Variants in HAUS6 observed in about 807,000 individuals in gnomAD.
The protein encoded by HAUS6 is HAUS augmin like complex subunit 6, also known as HAUS augmin-like complex subunit 6.
In HAUS6, 80 loss-of-function variants were observed where a neutral mutation model predicts 106.8. The ratio of observed to expected loss-of-function variants is 0.75; its 90% CI spans 0.63 to 0.90. The LOEUF is 0.90. Among genes scored for constraint, HAUS6 ranks in the 40% least tolerant of loss-of-function variants. The probability of loss-of-function intolerance (pLI) is 0.00; values close to 1 mark genes in which losing one functional copy is unlikely to be tolerated. For synonymous variants in HAUS6, 356 were observed against 379.1 expected, an observed-to-expected ratio of 0.94 and a Z score of 0.71; for missense variants, 1,155 against 1,118.1, an observed-to-expected ratio of 1.03 and a Z score of -0.47.
intron 5 of HAUS6, among the ~76,000 whole-genome samples, chr9:19,088,380 C>A (rs1297732713): frequency 6.7e-6 from 1 of 149,278 alleles, no homozygotes; most frequent in Admixed American, 6.7e-5. Context: ...TGTGACACTG[C>A]GCTCCAGCCA....
intron 1 of HAUS6, among the ~76,000 whole-genome samples, chr9:19,098,488 C>T (rs979338626): frequency 6.6e-6 from 1 of 151,064 alleles, no homozygotes; most frequent in Non-Finnish European, 1.5e-5. Context: ...CTATTCTCTT[C>T]ACCACTGTAT....
chr9:19,102,709 G>T lies in HAUS6; in HGVS notation c.-58C>A. 3 of 1,562,858 alleles carry T rather than the reference G, an allele frequency of 1.9e-6. No homozygotes were observed. The highest frequency in any genetic ancestry group is 2.6e-6 in the Non-Finnish European group (3 of 1,150,204). On this transcript the variant is annotated 5_prime_UTR_variant, in exon 1 of 17. Transcript: ENST00000380502. Reference sequence around the variant, plus strand: ...AAAGCGCAAGCCCAGGGGACTCGGAGGGCCCTCAAGATCCCTCCCTACGGT... The same window carrying T: ...AAAGCGCAAGCCCAGGGGACTCGGATGGCCCTCAAGATCCCTCCCTACGGT...
intron 11 of HAUS6, among the ~76,000 whole-genome samples, chr9:19,074,932 G>A (rs1836961771): frequency 6.6e-6 from 1 of 152,082 alleles, no homozygotes; most frequent in Non-Finnish European, 1.5e-5. Flanking sequence ...CAAAAAACCT[G>A]TACAGAATGT....
rs1476458428 is a variant in HAUS6, at chr9:19,058,425, G to A, written c.2342C>T (p.Pro781Leu). ...AAAACTTAGATGACCAACTTCTTCC[G>A]GGAGAGTTTCGTGTAATATGCCAAA... The part of the protein sequence containing the change: ...NDFGILHETL[P>L]EEVGHLSFNS... The change falls in exon 16 of 17, where the codon CCG (proline) becomes CTG (leucine). Residue 781 changes from proline (P) to leucine (L), a missense_variant. Pro to Leu is a moderately conservative substitution (Grantham distance 98, BLOSUM62 -3). Coordinates refer to ENST00000380502, the MANE Select transcript of HAUS6 (RefSeq NM_017645.5). 4.5e-5 allele frequency: 72 copies of A among 1,607,262 alleles called. No homozygotes were observed. In the Admixed American group the frequency reaches 4.7e-4, roughly 10 times the overall value.
chr9:19,079,808 C>T (rs1305808424), intron 9 of HAUS6, among the ~76,000 whole-genome samples: 1 of 150,776 alleles, frequency 6.6e-6, no homozygotes, highest in Non-Finnish European at 1.5e-5. Flanking sequence ...GAGTCTGAGG[C>T]AGGAGAATCG....
At chr9:19,060,520 G>A (rs1739625987) in intron 14 of HAUS6, among the ~76,000 whole-genome samples, 1 of 152,210 alleles carries the variant, frequency 6.6e-6, no homozygotes, top group Non-Finnish European at 1.5e-5. Context: ...TTCCAGTTGT[G>A]CAGTGACCTA....
rs1818019543 is a variant in HAUS6 at position 19,102,747 on chromosome 9, G to A, written c.-96C>T. 6 of 1,284,326 alleles carry A rather than the reference G, an allele frequency of 4.7e-6. No individual in the cohort carries two copies. Among genetic ancestry groups the A allele is most frequent in the Non-Finnish European group, 6.4e-6 (6 of 935,746 alleles). The allele number at this position is 1,284,326 out of a possible 1,614,324, so 79.6% of individuals were successfully genotyped here. A position where few individuals can be genotyped will look rare whatever the true frequency, so the allele number is the denominator to read the frequency against. ...CCCTCCCTACGGTCAGCCTGAGGTCGCGGTGGTCCTTCCATTGCCAACGCC... is the reference window on the plus strand; with the variant it reads ...CCCTCCCTACGGTCAGCCTGAGGTCACGGTGGTCCTTCCATTGCCAACGCC... On this transcript the variant is annotated 5_prime_UTR_variant, in exon 1 of 17. An upstream open reading frame in the 5' UTR gains an earlier in-frame stop. Coordinates refer to ENST00000380502, the MANE Select transcript of HAUS6 (RefSeq NM_017645.5).
intron 7 of HAUS6, 74 bp downstream of exon 7, chr9:19,086,660 C>T: frequency 1.5e-6 from 1 of 680,956 alleles, no homozygotes; most frequent in South Asian, 1.6e-5. Context: ...CTATAAGAGT[C>T]CCACTAATTA....
At chr9:19,070,163 T>C in intron 12 of HAUS6, 56 bp downstream of exon 12, 3 of 1,010,222 alleles carry the variant, frequency 3.0e-6, no homozygotes, top group Non-Finnish European at 4.6e-6. Flanking sequence ...CATCTCTATT[T>C]TTTATAAAAT....
intron 12 of HAUS6, 106 bp from the exon 13 acceptor site, chr9:19,063,686 T>A: frequency 1.2e-6 from 1 of 829,720 alleles, no homozygotes; most frequent in Non-Finnish European, 2.1e-6. Flanking sequence ...TCCGTTACGA[T>A]TTCACTCAAT....
At chr9:19,070,139 TCACCTCTCAGTTC>T (rs1463542245) in intron 12 of HAUS6, 67 bp downstream of exon 12, 10 of 804,238 alleles carry the variant, frequency 1.2e-5, no homozygotes, top group Non-Finnish European at 2.1e-5. Flanking sequence ...CCAGCTGGCT[TCACCTCTCAGTTC>T]CATCTCTATT....
chr9:19,071,286 C>T (rs1836877031), intron 11 of HAUS6, among the ~76,000 whole-genome samples: 2 of 151,732 alleles, frequency 1.3e-5, no homozygotes, highest in African/African-American at 4.8e-5. Context: ...AAAGAAAATA[C>T]CTAGAATGAA....
intron 5 of HAUS6, among the ~76,000 whole-genome samples, chr9:19,088,652 G>C (rs1817682325): frequency 6.6e-6 from 1 of 151,546 alleles, no homozygotes; most frequent in African/African-American, 2.4e-5. Flanking sequence ...CGGATCACTT[G>C]AGGTCAGGAG....
chr9:19,099,860 C>T (rs1817950133), intron 1 of HAUS6, among the ~76,000 whole-genome samples: 1 of 152,152 alleles, frequency 6.6e-6, no homozygotes, highest in South Asian at 2.1e-4. Context: ...GACCAGCCTC[C>T]ACAACACAGT....
chr9:19,079,595 ACT>A (rs1266122813), intron 9 of HAUS6, among the ~76,000 whole-genome samples: 2 of 151,832 alleles, frequency 1.3e-5, no homozygotes, highest in African/African-American at 4.8e-5. Context: ...TTTCACTCCC[ACT>A]CTCTGTCCAT....
chr9:19,078,288 T>A lies in HAUS6; in HGVS notation c.1079A>T (p.Asp360Val). Residue 360 changes from aspartate (D) to valine (V), a missense_variant, in exon 10 of 17, where the codon GAT becomes GTT. This residue lies in a region of HAUS6 where 761 missense variants were observed against 690.0 expected (regional missense o/e 1.10). Transcript: ENST00000380502. ...AGAATGTCTTATAGTTGTGAGATCA[T>A]CTTTTATTCTATACCTATAATAGCA... ...DLKHMRYRIK[D>V]DLTTIRHSVV... The A allele has an allele frequency of 6.7e-7, 1 of 1,487,982 alleles. No individual in the cohort carries two copies. The highest frequency in any genetic ancestry group is 2.3e-5 in the East Asian group (1 of 44,326). 92.2% of individuals were successfully genotyped at this position (1,487,982 alleles called of 1,614,324 possible).
At chr9:19,074,742 A>G (rs17238021) in intron 11 of HAUS6, among the ~76,000 whole-genome samples, 26,088 of 152,120 alleles carry the variant, frequency 0.17, 2,282 homozygotes, top group South Asian at 0.21. Flanking sequence ...CCTTTCACCT[A>G]ACTGAACTAC....
chr9:19,060,315 G>T (rs1305673129), intron 14 of HAUS6, 92 bp from the exon 15 acceptor site: 1 of 977,538 alleles, frequency 1.0e-6, no homozygotes. Context: ...GCACTTCACA[G>T]TCAGCAGCCC....
In HAUS6 at chr9:19,055,055, T is replaced by C. The variant is rs1166908378; in HGVS notation, c.*1288A>G. On this transcript the variant is annotated 3_prime_UTR_variant, in exon 17 of 17. Transcript: ENST00000380502. ...AGAAGGTAGTTACATGTGCTTTCTTTTGTCTTTTCTCACAAAAAGATGGGT... is the reference window on the plus strand; with the variant it reads ...AGAAGGTAGTTACATGTGCTTTCTTCTGTCTTTTCTCACAAAAAGATGGGT... 3 of 152,208 alleles carry C rather than the reference T, an allele frequency of 2.0e-5. No homozygotes were observed. Among genetic ancestry groups the C allele is most frequent in the African/African-American group, 7.2e-5 (3 of 41,434 alleles). The allele number at this position is 152,208 out of a possible 1,614,324, so 9.4% of individuals were successfully genotyped here. A position where few individuals can be genotyped will look rare whatever the true frequency, so the allele number is the denominator to read the frequency against.
Sources: gnomAD v4.1 joint callset for allele counts (sites outside exome capture counted in the v4.1 genomes callset) on GRCh38, gnomAD v4.1.1 for gene constraint, gnomAD v4.1.1 regional missense constraint, MANE v1.5 for transcripts, NCBI Gene and HGNC (gene_info 2026-07-23, HGNC 2026-07-21) for gene names.